Variants in ATP6V1B1 observed in about 807,000 individuals in gnomAD.
The protein encoded by ATP6V1B1 is V-type proton ATPase subunit B, kidney isoform.
A neutral mutation model predicts 62.1 loss-of-function variants in ATP6V1B1; 41 were observed. The ratio of observed to expected loss-of-function variants is 0.66; its 90% CI spans 0.51 to 0.86. The LOEUF (loss-of-function observed/expected upper bound fraction) is 0.86. ATP6V1B1 is among the 40% of genes least tolerant of loss of function. The pLI, the probability that ATP6V1B1 is intolerant of heterozygous loss-of-function variation, is 0.00. For synonymous variants in ATP6V1B1, 253 were observed against 273.4 expected (o/e 0.93, Z 0.74); for missense variants, 651 against 697.5 (o/e 0.93, Z 0.75).
At chr2:70,961,053 G>A (rs1553420003) in intron 7 of ATP6V1B1, 31 bp downstream of exon 7, 2 of 1,553,790 alleles carry the variant, frequency 1.3e-6, no homozygotes, top group Non-Finnish European at 1.7e-6. Flanking sequence ...GGCAAGTTCT[G>A]GAGGCTGTGA....
chr2:70,960,219 G>A, intron 6 of ATP6V1B1, 141 bp downstream of exon 6: 1 of 1,306,726 alleles, frequency 7.7e-7, no homozygotes, highest in Non-Finnish European at 1.0e-6. Flanking sequence ...ACTGGCAGCT[G>A]TCCCTGGGCA....
In ATP6V1B1 at chr2:70,963,463, C is replaced by A; in HGVS notation, c.1061-109C>A. 2 of 1,516,722 alleles carry A rather than the reference C, an allele frequency of 1.3e-6. No homozygotes were observed. Among genetic ancestry groups the A allele is most frequent in the Non-Finnish European group, 1.8e-6 (2 of 1,096,838 alleles). 94.0% of individuals were successfully genotyped at this position (1,516,722 alleles called of 1,614,324 possible). On this transcript the variant is annotated intron_variant, in intron 10 of 13. Coordinates refer to ENST00000234396, the MANE Select transcript of ATP6V1B1 (RefSeq NM_001692.4). This position sits in a 1 kb window ranked among gnomAD's most constrained non-coding sequence, Gnocchi z 4.3. The stretch of plus-strand genomic sequence containing the variant: ...ACTGCCCTTTCCTCCACCATCCATG[C>A]CCCCCACACATCCCTATCACTCCCA...
At chr2:70,944,750 G>C (rs1553417027) in intron 2 of ATP6V1B1, among the ~76,000 whole-genome samples, 1 of 148,210 alleles carries the variant, frequency 6.7e-6, no homozygotes, top group Non-Finnish European at 1.5e-5. Flanking sequence ...CTCACTGCAA[G>C]CTCCGCCCTC....
intron 2 of ATP6V1B1, among the ~76,000 whole-genome samples, chr2:70,948,864 G>C (rs1308195525): frequency 1.3e-5 from 2 of 152,172 alleles, no homozygotes; most frequent in Non-Finnish European, 2.9e-5. Context: ...ACCAGCAGGG[G>C]TTCCCTGGCG....
In ATP6V1B1 at chr2:70,963,824, C is replaced by G. The variant is rs971050092; in HGVS notation, c.1143+170C>G. Among the ~76,000 whole-genome samples the G allele has an allele frequency of 1.3e-5, 2 of 152,210 alleles. No individual in the cohort carries two copies. Among genetic ancestry groups the G allele is most frequent in the Admixed American group, 6.5e-5 (1 of 15,282 alleles). ...TTCACAGACAGAAGACAGGCCTGAG[C>G]AGAATCTGGTTTACCTGGCTCTGGG... On this transcript the variant is annotated intron_variant, in intron 11 of 13. Transcript: ENST00000234396. This position sits in a 1 kb window ranked among gnomAD's most constrained non-coding sequence, Gnocchi z 4.3.
intron 2 of ATP6V1B1, among the ~76,000 whole-genome samples, chr2:70,947,275 G>T (rs1680204000): frequency 6.6e-6 from 1 of 152,148 alleles, no homozygotes; most frequent in Non-Finnish European, 1.5e-5. Context: ...CTAACTCTCT[G>T]ATTTGTATAA....
intron 2 of ATP6V1B1, among the ~76,000 whole-genome samples, chr2:70,950,547 A>T (rs1680299473): frequency 6.6e-6 from 1 of 151,772 alleles, no homozygotes; most frequent in South Asian, 2.1e-4. Context: ...TTTTGGCCCT[A>T]TTGCAGATGG....
Position 70,962,822 on chromosome 2 carries a change from A to G in ATP6V1B1, c.831A>G (p.Glu277=), listed in dbSNP as rs1680623331. The change falls in exon 9 of 14, where the codon GAA becomes GAG. Residue 277 remains glutamate, a synonymous_variant. Transcript: ENST00000234396. The part of the protein sequence containing the change: ...ITPRLALTTA[E]FLAYQCEKHV... ...CGCGCCTGGCGCTGACCACTGCTGA[A>G]TTCCTTGCCTACCAGTGTGAGAAGC... The G allele has an allele frequency of 6.2e-7, 1 of 1,614,034 alleles. No individual in the cohort carries two copies. Among genetic ancestry groups the G allele is most frequent in the African/African-American group, 1.3e-5 (1 of 74,924 alleles).
intron 2 of ATP6V1B1, chr2:70,955,978 C>G (rs1553418988): frequency 5.9e-6 from 1 of 168,408 alleles, no homozygotes; most frequent in Non-Finnish European, 1.4e-5. Context: ...CTTGGTGGAG[C>G]TGTTACTGTA....
At chr2:70,942,250 G>A (rs1200136246) in intron 1 of ATP6V1B1, 3 of 402,558 alleles carry the variant, frequency 7.5e-6, no homozygotes, top group African/African-American at 2.1e-5. Flanking sequence ...AGGCAGGTCT[G>A]TAAGGTAGGT....
intron 1 of ATP6V1B1, chr2:70,943,417 C>G: frequency 1.5e-6 from 1 of 656,370 alleles, no homozygotes; most frequent in South Asian, 1.7e-5. Context: ...CTGAGGAGGC[C>G]TCTGCCCTCT....
intron 8 of ATP6V1B1, 142 bp downstream of exon 8, chr2:70,961,835 G>C (rs1484279922): frequency 6.2e-6 from 5 of 812,986 alleles, no homozygotes; most frequent in Non-Finnish European, 6.1e-6. Flanking sequence ...TGTGTAGATA[G>C]GGAAACTGAG....
chr2:70,961,908 C>G (rs959595952), intron 8 of ATP6V1B1: 3 of 604,748 alleles, frequency 5.0e-6, no homozygotes, highest in African/African-American at 3.7e-5. Flanking sequence ...TGTCTGCTGC[C>G]TGTGCCCTCT....
At chr2:70,943,086 G>C (rs944423782) in intron 1 of ATP6V1B1, among the ~76,000 whole-genome samples, 1 of 152,102 alleles carries the variant, frequency 6.6e-6, no homozygotes, top group Non-Finnish European at 1.5e-5. Context: ...CCCCTCCCAT[G>C]CTGAGCACCC....
At chr2:70,962,034 T>C (rs1680600254) in intron 8 of ATP6V1B1, among the ~76,000 whole-genome samples, 1 of 87,922 alleles carries the variant, frequency 1.1e-5, no homozygotes, top group Admixed American at 1.2e-4. Context: ...GTGTAGAAAA[T>C]GGGAGTTTAA....
intron 2 of ATP6V1B1, among the ~76,000 whole-genome samples, chr2:70,949,112 GC>G (rs1478785228): frequency 2.6e-5 from 4 of 152,176 alleles, no homozygotes; most frequent in Non-Finnish European, 5.9e-5. Context: ...TTAACTATCT[GC>G]CCCTAACCGC....
At position 70,938,987 on chromosome 2, in the gene ATP6V1B1, C is replaced by G. The variant is rs116601516; in HGVS notation, c.118+2915C>G. Among the ~76,000 whole-genome samples the G allele has an allele frequency of 8.3e-3, 1,268 of 152,374 alleles. 21 individuals are homozygous for G. Among genetic ancestry groups the G allele is most frequent in the African/African-American group, 0.029 (1,219 of 41,594 alleles). On this transcript the variant is annotated intron_variant, in intron 1 of 13. Coordinates refer to ENST00000234396, the MANE Select transcript of ATP6V1B1 (RefSeq NM_001692.4). ...CGGAGAGAGTCCCAACAAGCAGGGT[C>G]TTGGGCTGAAGAGCCCTCAGCTTCC...
intron 1 of ATP6V1B1, among the ~76,000 whole-genome samples, chr2:70,936,310 A>G (rs1211115682): frequency 2.0e-5 from 3 of 152,132 alleles, no homozygotes; most frequent in Admixed American, 6.5e-5. Context: ...AGGGCTGGGG[A>G]GTAGCTGTCA....
At chr2:70,940,611 T>G in intron 1 of ATP6V1B1, 1 of 985,474 alleles carries the variant, frequency 1.0e-6, no homozygotes, top group South Asian at 4.7e-5. Context: ...CCCAAGCCTC[T>G]GTCTCCTACC....
Sources: allele counts gnomAD v4.1 joint callset (sites outside exome capture counted in the v4.1 genomes callset), GRCh38; gene constraint gnomAD v4.1.1; non-coding constraint Gnocchi (gnomAD v3.1); transcripts MANE v1.5; gene names NCBI Gene and HGNC (gene_info 2026-07-23, HGNC 2026-07-21).